CRB1: variants seen among roughly 807,000 people sequenced by gnomAD.
CRB1 encodes protein crumbs homolog 1.
In CRB1, 83 loss-of-function variants were observed where a neutral mutation model predicts 120.0. The ratio of observed to expected loss-of-function variants is 0.69; its 90% CI spans 0.58 to 0.83. The LOEUF (loss-of-function observed/expected upper bound fraction) is 0.83. Among genes scored for constraint, CRB1 ranks in the 40% least tolerant of loss-of-function variants. CRB1 has a pLI of 0.00. For missense variants in CRB1, 1,699 were observed against 1,687.6 expected (o/e 1.01, Z -0.12); for synonymous variants, 625 against 612.5 (o/e 1.02, Z -0.30).
chr1:197,302,311 T>A (rs534672120), intron 1 of CRB1, among the ~76,000 whole-genome samples: 1 of 152,342 alleles, frequency 6.6e-6, no homozygotes, highest in East Asian at 1.9e-4. Context: ...GTATGCACAT[T>A]GTTTTTGCAG....
At chr1:197,357,219 A>T in intron 5 of CRB1, 2 of 644,044 alleles carry the variant, frequency 3.1e-6, no homozygotes, top group Non-Finnish European at 5.6e-6. Context: ...AAAGAGGGAT[A>T]AAGGAGGAAT....
chr1:197,404,374 G>A (rs1571483656), intron 5 of CRB1, among the ~76,000 whole-genome samples: 2 of 150,016 alleles, frequency 1.3e-5, no homozygotes, highest in South Asian at 2.1e-4. Flanking sequence ...CCCGGGAGGC[G>A]GAGCTTGCAG....
intron 1 of CRB1, among the ~76,000 whole-genome samples, chr1:197,308,099 C>T (rs1657279976): frequency 6.6e-6 from 1 of 152,086 alleles, no homozygotes; most frequent in African/African-American, 2.4e-5. Context: ...TGGAATACTA[C>T]ACAGCCATTA....
chr1:197,218,608 A>C, the CRB1 span, among the ~76,000 whole-genome samples: 1 of 152,264 alleles, frequency 6.6e-6, no homozygotes, highest in Admixed American at 6.5e-5. Context: ...CCCAAGAGAA[A>C]AGGATGTTGT....
At chr1:197,386,610 A>G (rs1212489289) in intron 5 of CRB1, among the ~76,000 whole-genome samples, 1 of 152,174 alleles carries the variant, frequency 6.6e-6, no homozygotes. Context: ...CTCAGAATTT[A>G]ATCACATGGT....
At chr1:197,406,279 C>T (rs1663389533) in intron 5 of CRB1, among the ~76,000 whole-genome samples, 1 of 152,150 alleles carries the variant, frequency 6.6e-6, no homozygotes, top group Non-Finnish European at 1.5e-5. Context: ...ACCTTACCCC[C>T]AACCCTGTGC....
At chr1:197,393,945 G>T (rs2821102) in intron 5 of CRB1, among the ~76,000 whole-genome samples, 1 of 151,840 alleles carries the variant, frequency 6.6e-6, no homozygotes, top group Non-Finnish European at 1.5e-5. Context: ...ACTAGTTTTA[G>T]AATCTCCCTA....
At chr1:197,329,800 C>T (rs1658745234) in intron 2 of CRB1, among the ~76,000 whole-genome samples, 1 of 152,192 alleles carries the variant, frequency 6.6e-6, no homozygotes, top group African/African-American at 2.4e-5. Flanking sequence ...TATGCTTTCT[C>T]ACATGCATTC....
intron 2 of CRB1, among the ~76,000 whole-genome samples, chr1:197,338,819 C>A (rs1397727386): frequency 6.6e-6 from 1 of 152,024 alleles, no homozygotes; most frequent in African/African-American, 2.4e-5. Context: ...GACAAATTTT[C>A]TGTATCATCA....
chr1:197,474,161 A>G (rs913140683), intron 11 of CRB1, among the ~76,000 whole-genome samples: 1 of 152,214 alleles, frequency 6.6e-6, no homozygotes, highest in Non-Finnish European at 1.5e-5. Flanking sequence ...TGTATTTGAG[A>G]ACTTCCTATA....
intron 5 of CRB1, among the ~76,000 whole-genome samples, chr1:197,401,267 C>T (rs1163498153): frequency 6.6e-6 from 1 of 151,914 alleles, no homozygotes; most frequent in Non-Finnish European, 1.5e-5. Context: ...TGTTTATCTC[C>T]ACCAGTGTTC....
At position 197,427,836 on chromosome 1, in the gene CRB1, C is replaced by G. The variant is rs1485255522; in HGVS notation, c.2511C>G (p.Asp837Glu). 3 of 1,614,000 alleles carry G rather than the reference C, an allele frequency of 1.9e-6. No individual in the cohort carries two copies. Among genetic ancestry groups the G allele is most frequent in the African/African-American group, 1.3e-5 (1 of 75,024 alleles). ...GDVIYIGGLP[D>E]KQETELNGGF... ...TCATCTACATTGGTGGCCTACCTGA[C>G]AAGCAAGAGACTGAACTTAATGGTG... Residue 837 changes from aspartate to glutamate, a missense_variant, in exon 7 of 12, where the codon GAC becomes GAG. Coordinates refer to ENST00000367400, the MANE Select transcript of CRB1 (RefSeq NM_201253.3).
intron 5 of CRB1, among the ~76,000 whole-genome samples, chr1:197,382,075 G>A (rs1469411806): frequency 6.6e-6 from 1 of 152,208 alleles, no homozygotes; most frequent in East Asian, 1.9e-4. Flanking sequence ...CTGTGATGGT[G>A]ACGGGGAGTA....
At chr1:197,476,697 AAAC>A (rs1667213506) in intron 11 of CRB1, among the ~76,000 whole-genome samples, 1 of 152,194 alleles carries the variant, frequency 6.6e-6, no homozygotes, top group Non-Finnish European at 1.5e-5. Flanking sequence ...CTAGGATGTT[AAAC>A]ACAGATTTCA....
chr1:197,222,535 T>G, the CRB1 span: 8 of 768,286 alleles, frequency 1.0e-5, no homozygotes, highest in Admixed American at 1.2e-4. Context: ...CTTGGCAGTG[T>G]TGCAAATTCC....
rs530583816 is a variant in CRB1, at chr1:197,323,244, C to T, written c.71-5178C>T. 2.6e-5 allele frequency among the ~76,000 whole-genome samples: 4 copies of T among 152,186 alleles called. No homozygotes were observed. In the South Asian group the frequency reaches 8.3e-4, roughly 32 times the overall value. ...TAATTGTGTATAATAAAACTTAGCA[C>T]ACTGATAAGTCTCTAGTAGAGATAT... On this transcript the variant is annotated intron_variant, in intron 1 of 11. Coordinates refer to ENST00000367400, the MANE Select transcript of CRB1 (RefSeq NM_201253.3).
chr1:197,428,314 G>A (rs1353445442), intron 7 of CRB1, among the ~76,000 whole-genome samples: 1 of 152,086 alleles, frequency 6.6e-6, no homozygotes. Context: ...ACTCCTAATG[G>A]CACACCAGAG....
rs756940360 is a variant in CRB1, at chr1:197,477,518, CT to C, written c.4006-143del. On this transcript the variant is annotated intron_variant, in intron 11 of 11. Transcript: ENST00000367400. ...ATGATTTGAGAATAAGAAAATCTGA[CT>C]TTCTTTTAATACCTTGGTCTTTTTA... The C allele has an allele frequency of 2.6e-5, 19 of 744,686 alleles. No individual in the cohort carries two copies. In the South Asian group the frequency reaches 2.7e-4, roughly 10 times the overall value. The allele number at this position is 744,686 out of a possible 1,614,324, so 46.1% of individuals were successfully genotyped here. A position where few individuals can be genotyped will look rare whatever the true frequency, so the allele number is the denominator to read the frequency against.
At chr1:197,465,406 C>A (rs1050758863) in intron 11 of CRB1, among the ~76,000 whole-genome samples, 3 of 151,516 alleles carry the variant, frequency 2.0e-5, no homozygotes, top group Admixed American at 1.3e-4. Context: ...TTTTTTAATC[C>A]TGCTAACTTT....
Sources: allele counts gnomAD v4.1 joint callset (sites outside exome capture counted in the v4.1 genomes callset), GRCh38; gene constraint gnomAD v4.1.1; transcripts MANE v1.5; gene names NCBI Gene and HGNC (gene_info 2026-07-23, HGNC 2026-07-21).